Variants in SRGAP3 observed in about 807,000 individuals in gnomAD.
SRGAP3 encodes the protein SLIT-ROBO Rho GTPase activating protein 3, also known as SLIT-ROBO Rho GTPase-activating protein 3.
SRGAP3 carries 39 observed loss-of-function variants against 121.1 expected under a neutral mutation model. The observed-to-expected ratio is 0.32, with a 90% CI of 0.25 to 0.42. The LOEUF (loss-of-function observed/expected upper bound fraction) is 0.42, where lower values mean the gene tolerates loss of function less well. Ranked by LOEUF, SRGAP3 falls within the 10% of genes least tolerant of loss-of-function variation. The pLI is 1.00. For synonymous variants in SRGAP3, 601 were observed against 570.0 expected (o/e 1.05, Z -0.77); for missense variants, 1,213 against 1,470.6 (o/e 0.82, Z 2.86).
At chr3:9,226,091 G>A (rs975374533) in intron 1 of SRGAP3, among the ~76,000 whole-genome samples, 1 of 152,130 alleles carries the variant, frequency 6.6e-6, no homozygotes, top group African/African-American at 2.4e-5. Flanking sequence ...TACCAGTAAT[G>A]TGCAGAGCAG....
At position 9,080,026 on chromosome 3, in the gene SRGAP3, G is replaced by A; in HGVS notation, c.485C>T (p.Thr162Ile). The A allele has an allele frequency of 6.2e-7, 1 of 1,614,174 alleles. No individual in the cohort carries two copies. The highest frequency in any genetic ancestry group is 8.5e-7 in the Non-Finnish European group (1 of 1,180,022). ...GCAGTGAGCCTGGGCAGAACTTACT[G>A]TGTAGAGCTCATTGGTCACCTTCAG... ...ELLKVTNELY[T>I]VMKTYHMYHA... Residue 162 changes from threonine to isoleucine, a missense_variant and splice_region_variant, in exon 4 of 22, where the codon ACA (threonine) becomes ATA (isoleucine). Thr to Ile is a moderately conservative substitution (Grantham distance 89, BLOSUM62 -1). Coordinates refer to ENST00000383836, the MANE Select transcript of SRGAP3 (RefSeq NM_014850.4).
intron 1 of SRGAP3, among the ~76,000 whole-genome samples, chr3:9,335,345 T>C (rs911553728): frequency 1.3e-5 from 2 of 152,360 alleles, no homozygotes; most frequent in African/African-American, 4.8e-5. Context: ...TATATGTGTG[T>C]ATAAATCTTT....
intron 3 of SRGAP3, among the ~76,000 whole-genome samples, chr3:9,101,715 C>T (rs1448395456): frequency 1.3e-5 from 2 of 152,200 alleles, no homozygotes; most frequent in African/African-American, 4.8e-5. Flanking sequence ...CGAAGCCAGG[C>T]TTATAACTAG....
intron 1 of SRGAP3, among the ~76,000 whole-genome samples, chr3:9,221,702 T>G (rs1458690968): frequency 6.6e-6 from 1 of 152,096 alleles, no homozygotes; most frequent in African/African-American, 2.4e-5. Flanking sequence ...CCACTCACCC[T>G]CAGAGAATGT....
chr3:9,207,189 G>A (rs556478867), intron 1 of SRGAP3, among the ~76,000 whole-genome samples: 5 of 152,336 alleles, frequency 3.3e-5, no homozygotes, highest in African/African-American at 1.2e-4. Flanking sequence ...CTATTTTGCA[G>A]AGGAGGAAAC....
rs17050239 is a variant in SRGAP3, at chr3:9,333,151, T to C, written n.215-2555A>G. Among the ~76,000 whole-genome samples the C allele has an allele frequency of 4.4e-3, 664 of 152,304 alleles. 7 individuals carry two copies. The highest frequency in any genetic ancestry group is 0.015 in the African/African-American group (640 of 41,564). On this transcript the variant is annotated intron_variant and non_coding_transcript_variant, in intron 1 of 3. Coordinates refer to the SRGAP3 transcript ENST00000490889. ...ATAGTCTACTTTTTAAAGCTTGTTA[T>C]TACTCTCGGAAAGGAAGAATGCAAA...
chr3:9,021,156 C>T (rs1943898693), intron 14 of SRGAP3, among the ~76,000 whole-genome samples: 1 of 152,236 alleles, frequency 6.6e-6, no homozygotes, highest in Non-Finnish European at 1.5e-5. Flanking sequence ...ACACAGGTCT[C>T]AGAAGGGGCA....
At chr3:9,154,609 T>G (rs529406675) in intron 1 of SRGAP3, among the ~76,000 whole-genome samples, 1 of 152,204 alleles carries the variant, frequency 6.6e-6, no homozygotes, top group African/African-American at 2.4e-5. Context: ...GTTCACGTGA[T>G]AGAAACCAGA....
At chr3:9,085,952 T>C (rs1947450402) in intron 3 of SRGAP3, among the ~76,000 whole-genome samples, 1 of 152,160 alleles carries the variant, frequency 6.6e-6, no homozygotes, top group Non-Finnish European at 1.5e-5. Context: ...ATCCTGTACA[T>C]GTACCTCTGA....
chr3:9,259,356 G>A (rs1954204645), intron 3 of SRGAP3, among the ~76,000 whole-genome samples: 1 of 152,014 alleles, frequency 6.6e-6, no homozygotes, highest in Non-Finnish European at 1.5e-5. Flanking sequence ...ACAGACTTCT[G>A]CAGCCTGGAC....
intron 1 of SRGAP3, among the ~76,000 whole-genome samples, chr3:9,186,397 C>T (rs1951596423): frequency 6.6e-6 from 1 of 152,124 alleles, no homozygotes; most frequent in South Asian, 2.1e-4. Flanking sequence ...ATTGTCGGCT[C>T]CTTAAGAATA....
At chr3:9,098,562 ACT>A (rs1425646171) in intron 3 of SRGAP3, among the ~76,000 whole-genome samples, 2 of 151,962 alleles carry the variant, frequency 1.3e-5, no homozygotes, top group African/African-American at 4.8e-5. Context: ...ACTGCACCTG[ACT>A]CTATCTTCTT....
intron 14 of SRGAP3, among the ~76,000 whole-genome samples, chr3:9,021,194 C>T (rs1045730408): frequency 2.6e-5 from 4 of 152,198 alleles, no homozygotes; most frequent in Non-Finnish European, 5.9e-5. Flanking sequence ...GTGCTAGAGC[C>T]TACGTGGCAT....
rs116480276 is a variant in SRGAP3 at position 8,994,375 on chromosome 3, G to A, written c.2376C>T (p.Leu792=). The A allele has an allele frequency of 4.1e-4, 657 of 1,614,220 alleles. No individual in the cohort carries two copies. The African/African-American group carries it at 7.9e-3, about 19-fold the overall frequency. Residue 792 remains leucine (L), a synonymous_variant, in exon 19 of 22, where the codon CTC becomes CTT. Transcript: ENST00000383836. The stretch of plus-strand genomic sequence containing the variant: ...GTACAACTATGTACTGATGGGGGAT[G>A]AGTCCATCCACGCCGTTGTGCCGGC... ...WEGRHNGVDG[L]IPHQYIVVQD... is the part of the protein sequence containing the mutation.
At position 9,105,355 on chromosome 3, in the gene SRGAP3, C is replaced by T. The variant is rs531057994; in HGVS notation, c.261-513G>A. ...GGAAACACATGCCTTTGCCCCTCCA[C>T]GGAGCTGTTGGGAAAGGGGCTAGGA... On this transcript the variant is annotated intron_variant, in intron 2 of 21. Transcript: ENST00000383836. Among the ~76,000 whole-genome samples the T allele has an allele frequency of 7.2e-5, 11 of 152,268 alleles. No individual in the cohort carries two copies. The South Asian group carries it at 1.7e-3, about 23-fold the overall frequency.
At chr3:9,181,828 G>A (rs557035975) in intron 1 of SRGAP3, among the ~76,000 whole-genome samples, 54 of 152,172 alleles carry the variant, frequency 3.5e-4, no homozygotes, top group Non-Finnish European at 6.9e-4. Flanking sequence ...CTCCAAAGAG[G>A]TGGACTGGAG....
intron 1 of SRGAP3, among the ~76,000 whole-genome samples, chr3:9,229,722 T>C (rs551695716): frequency 6.6e-6 from 1 of 152,328 alleles, no homozygotes; most frequent in African/African-American, 2.4e-5. Flanking sequence ...ATTTATAGGA[T>C]AAATTCTTCT....
At chr3:9,025,375 C>T in intron 13 of SRGAP3, 37 bp from the exon 14 acceptor site, 5 of 1,605,800 alleles carry the variant, frequency 3.1e-6, no homozygotes, top group Non-Finnish European at 4.3e-6. Context: ...AATAGTAAAT[C>T]CACGAGACCT....
intron 3 of SRGAP3, among the ~76,000 whole-genome samples, chr3:9,260,997 A>G (rs150991459): frequency 0.047 from 7,126 of 152,276 alleles, 576 homozygotes; most frequent in African/African-American, 0.16. Flanking sequence ...AAGCTTCCAG[A>G]GGAAGAAGCA....
Sources: allele counts gnomAD v4.1 joint callset (sites outside exome capture counted in the v4.1 genomes callset), GRCh38; gene constraint gnomAD v4.1.1; transcripts MANE v1.5; gene names NCBI Gene and HGNC (gene_info 2026-07-23, HGNC 2026-07-21).